ST6GALNAC5: variants seen among roughly 807,000 people sequenced by gnomAD.
ST6GALNAC5 encodes ST6 N-acetylgalactosaminide alpha-2,6-sialyltransferase 5.
ST6GALNAC5 carries 27 observed loss-of-function variants against 33.6 expected under a neutral mutation model. That is an observed-to-expected ratio of 0.80 (90% CI 0.59 to 1.11). ST6GALNAC5 has a LOEUF of 1.11. Ranked by LOEUF, ST6GALNAC5 falls within the 50% of genes least tolerant of loss-of-function variation. ST6GALNAC5 has a pLI of 0.00. For missense variants in ST6GALNAC5, 428 were observed against 454.0 expected (o/e 0.94, Z 0.52); for synonymous variants, 194 against 171.2 (o/e 1.13, Z -1.04).
chr1:77,017,012 G>T (rs907598421), intron 2 of ST6GALNAC5, among the ~76,000 whole-genome samples: 1 of 151,998 alleles, frequency 6.6e-6, no homozygotes, highest in Non-Finnish European at 1.5e-5. Context: ...CTCCAAGTTC[G>T]GGTACAATCA....
intron 2 of ST6GALNAC5, among the ~76,000 whole-genome samples, chr1:77,014,658 A>T (rs762466395): frequency 6.6e-6 from 1 of 152,200 alleles, no homozygotes; most frequent in Non-Finnish European, 1.5e-5. Context: ...AAGAAAGCAG[A>T]GACACAGACT....
At chr1:76,897,084 A>G (rs986112174) in intron 2 of ST6GALNAC5, among the ~76,000 whole-genome samples, 4 of 152,276 alleles carry the variant, frequency 2.6e-5, no homozygotes, top group African/African-American at 7.2e-5. Context: ...GATAGGTAAC[A>G]GATGAGGAAG....
intron 2 of ST6GALNAC5, among the ~76,000 whole-genome samples, chr1:77,035,523 C>T (rs915549673): frequency 6.6e-6 from 1 of 152,132 alleles, no homozygotes; most frequent in African/African-American, 2.4e-5. Flanking sequence ...GGGGCCTCCA[C>T]ATACAAGGCT....
intron 2 of ST6GALNAC5, among the ~76,000 whole-genome samples, chr1:77,027,250 G>A (rs974406077): frequency 1.3e-5 from 2 of 152,196 alleles, no homozygotes; most frequent in African/African-American, 2.4e-5. Flanking sequence ...TAAATTGAAA[G>A]GTGTTCAGGT....
chr1:76,886,216 ATTTCTT>A (rs1487707956), intron 2 of ST6GALNAC5, among the ~76,000 whole-genome samples: 3 of 151,950 alleles, frequency 2.0e-5, no homozygotes, highest in African/African-American at 7.3e-5. Context: ...ACCTCTTCTG[ATTTCTT>A]TTTCATCTTC....
intron 3 of ST6GALNAC5, among the ~76,000 whole-genome samples, chr1:77,048,154 G>C (rs1019993643): frequency 1.3e-5 from 2 of 152,190 alleles, no homozygotes; most frequent in African/African-American, 4.8e-5. Context: ...TTCCTGTGCA[G>C]CCACATCCTC....
intron 2 of ST6GALNAC5, among the ~76,000 whole-genome samples, chr1:76,923,767 C>G (rs1182979686): frequency 1.3e-5 from 2 of 152,052 alleles, no homozygotes; most frequent in Non-Finnish European, 2.9e-5. Flanking sequence ...GAGGTTAGAT[C>G]TCATGGATTT....
chr1:77,029,736 A>G (rs181641036), intron 2 of ST6GALNAC5, among the ~76,000 whole-genome samples: 55 of 152,356 alleles, frequency 3.6e-4, no homozygotes, highest in African/African-American at 1.3e-3. Flanking sequence ...AAGTAGTCTG[A>G]CACCTCATTT....
chr1:76,980,663 A>G (rs1391354623), intron 2 of ST6GALNAC5, among the ~76,000 whole-genome samples: 1 of 152,218 alleles, frequency 6.6e-6, no homozygotes, highest in African/African-American at 2.4e-5. Context: ...ACAACTGCAT[A>G]TCCATATGAA....
intron 2 of ST6GALNAC5, among the ~76,000 whole-genome samples, chr1:76,962,556 G>A (rs1001934635): frequency 6.6e-6 from 1 of 152,148 alleles, no homozygotes; most frequent in East Asian, 1.9e-4. Flanking sequence ...TTTTTCAATA[G>A]CAACAAAAGA....
chr1:76,881,721 AT>A (rs1056420285), intron 2 of ST6GALNAC5, among the ~76,000 whole-genome samples: 1 of 152,204 alleles, frequency 6.6e-6, no homozygotes, highest in African/African-American at 2.4e-5. Flanking sequence ...GTTTCTAACC[AT>A]TTGGAGTTAC....
chr1:76,976,066 G>A (rs1035708296), intron 2 of ST6GALNAC5, among the ~76,000 whole-genome samples: 1 of 152,146 alleles, frequency 6.6e-6, no homozygotes, highest in Non-Finnish European at 1.5e-5. Context: ...CAGCATTCCA[G>A]CCTGGGCGAC....
intron 2 of ST6GALNAC5, among the ~76,000 whole-genome samples, chr1:77,001,133 G>A (rs1474972941): frequency 1.3e-5 from 2 of 151,048 alleles, no homozygotes; most frequent in East Asian, 1.9e-4. Context: ...AGCATGGAAT[G>A]TTCTTCCATT....
chr1:76,943,043 C>A (rs926933511), intron 2 of ST6GALNAC5, among the ~76,000 whole-genome samples: 5 of 152,058 alleles, frequency 3.3e-5, no homozygotes, highest in Admixed American at 1.3e-4. Flanking sequence ...GCTTGACTAA[C>A]AAATTCCCAT....
In ST6GALNAC5 at chr1:77,066,125, CG is replaced by C. The variant is rs1652771066; in HGVS notation, c.*2920del. ...GACTTAGCTGTGTGATTTCCATTAC[CG>C]TTAATGGGCATTTGGCAACTAAGTC... On this transcript the variant is annotated 3_prime_UTR_variant, in exon 5 of 5. Transcript: ENST00000477717. Among the ~76,000 whole-genome samples the C allele has an allele frequency of 3.3e-5, 5 of 152,192 alleles. No homozygotes were observed. The South Asian group carries it at 1.0e-3, about 32-fold the overall frequency.
At chr1:76,995,799 T>C (rs1218635051) in intron 2 of ST6GALNAC5, among the ~76,000 whole-genome samples, 2 of 152,206 alleles carry the variant, frequency 1.3e-5, no homozygotes, top group African/African-American at 4.8e-5. Context: ...TGTGTATTTG[T>C]TCAGTGTATA....
intron 2 of ST6GALNAC5, among the ~76,000 whole-genome samples, chr1:76,920,314 A>C (rs550119249): frequency 6.6e-6 from 1 of 152,192 alleles, no homozygotes; most frequent in Non-Finnish European, 1.5e-5. Context: ...GTGACTTTCC[A>C]TGAATCAGTC....
At chr1:76,919,344 A>G (rs922089368) in intron 2 of ST6GALNAC5, among the ~76,000 whole-genome samples, 1 of 151,946 alleles carries the variant, frequency 6.6e-6, no homozygotes, top group Non-Finnish European at 1.5e-5. Context: ...GTAGGTTTTC[A>G]ATGCCCCAAG....
At chr1:77,017,584 A>G (rs1570101655) in intron 2 of ST6GALNAC5, among the ~76,000 whole-genome samples, 1 of 152,290 alleles carries the variant, frequency 6.6e-6, no homozygotes, top group East Asian at 1.9e-4. Flanking sequence ...AAAGGATTCT[A>G]GGTTTTATCT....
Sources: gnomAD v4.1 joint callset for allele counts (sites outside exome capture counted in the v4.1 genomes callset) on GRCh38, gnomAD v4.1.1 for gene constraint, MANE v1.5 for transcripts, NCBI Gene and HGNC (gene_info 2026-07-23, HGNC 2026-07-21) for gene names.